Variants in MLLT10 observed in about 807,000 individuals in gnomAD.
MLLT10 encodes the protein protein AF-10.
MLLT10 carries 30 observed loss-of-function variants against 129.1 expected under a neutral mutation model. The observed-to-expected ratio is 0.23, with a 90% CI of 0.17 to 0.32. MLLT10 has a LOEUF of 0.32. Among genes scored for constraint, MLLT10 ranks in the 10% least tolerant of loss-of-function variants. The pLI is 1.00. For missense variants in MLLT10, 1,119 were observed against 1,268.3 expected (o/e 0.88, Z 1.79); for synonymous variants, 490 against 446.4 (o/e 1.10, Z -1.23).
chr10:21,622,153 CTTTTTTTTTTTT>C (rs71393915), intron 8 of MLLT10, among the ~76,000 whole-genome samples: 3 of 99,796 alleles, frequency 3.0e-5, no homozygotes, highest in East Asian at 5.1e-4. Flanking sequence ...TTTGTTTTTC[CTTTTTTTTTTTT>C]TTTTTTTTTT....
chr10:21,600,259 A>G (rs1297673189), intron 5 of MLLT10, among the ~76,000 whole-genome samples: 2 of 152,082 alleles, frequency 1.3e-5, no homozygotes, highest in Non-Finnish European at 2.9e-5. Flanking sequence ...ATTTTTCTAG[A>G]TGAACATTAG....
chr10:21,558,401 G>T (rs1301463467), intron 3 of MLLT10, among the ~76,000 whole-genome samples: 3 of 152,086 alleles, frequency 2.0e-5, no homozygotes, highest in Non-Finnish European at 2.9e-5. Flanking sequence ...AGTGAGCTAT[G>T]ATCATGATCC....
intron 13 of MLLT10, among the ~76,000 whole-genome samples, chr10:21,706,729 C>G (rs1434358948): frequency 6.6e-6 from 1 of 152,182 alleles, no homozygotes; most frequent in Non-Finnish European, 1.5e-5. Context: ...AGGTATACTT[C>G]TGTCTTATTT....
chr10:21,538,743 A>G, intron 2 of MLLT10, 90 bp from the exon 3 acceptor site: 2 of 863,042 alleles, frequency 2.3e-6, no homozygotes, highest in East Asian at 5.0e-5. Flanking sequence ...TTGAATAGTG[A>G]CAGGTGGATT....
At chr10:21,688,561 G>T in intron 13 of MLLT10, 1 of 1,601,328 alleles carries the variant, frequency 6.2e-7, no homozygotes, top group Non-Finnish European at 8.5e-7. Flanking sequence ...CTCCAGCATG[G>T]TTCTAAACAT....
intron 14 of MLLT10, among the ~76,000 whole-genome samples, chr10:21,716,754 T>C (rs1476075854): frequency 1.3e-5 from 2 of 151,720 alleles, no homozygotes; most frequent in Non-Finnish European, 2.9e-5. Context: ...AAAACCATCA[T>C]ACTTGCAAGC....
intron 8 of MLLT10, among the ~76,000 whole-genome samples, chr10:21,644,143 CAT>C (rs1234575391): frequency 1.3e-5 from 2 of 152,058 alleles, no homozygotes; most frequent in African/African-American, 2.4e-5. Flanking sequence ...TGTTTGAACT[CAT>C]GTTATATTTT....
chr10:21,718,476 A>C (rs2131537664), intron 14 of MLLT10, among the ~76,000 whole-genome samples: 1 of 152,184 alleles, frequency 6.6e-6, no homozygotes, highest in South Asian at 2.1e-4. Context: ...TTTGGTTTGA[A>C]GGATGATTTC....
chr10:21,730,926 G>C lies in MLLT10; in HGVS notation c.2090G>C (p.Arg697Pro), dbSNP rs142554860. ...TCCCCTGTAAGCAGCTTACAGATTC[G>C]CTATGATCAACCAGGCAACAGCAGT... is the stretch of plus-strand genomic sequence containing the variant. Reference protein sequence around the residue: ...PRSPVSSLQIRYDQPGNSSLE... With the variant: ...PRSPVSSLQIPYDQPGNSSLE... The change falls in exon 17 of 23, where the codon CGC (arginine) becomes CCC (proline). Residue 697 changes from arginine (R) to proline (P), a missense_variant. This residue lies in a region of MLLT10 where 1,004 missense variants were observed against 1,008.7 expected (regional missense o/e 1.00). Transcript: ENST00000307729. The C allele has an allele frequency of 6.2e-7, 1 of 1,614,058 alleles. No individual in the cohort carries two copies. Among genetic ancestry groups the C allele is most frequent in the Non-Finnish European group, 8.5e-7 (1 of 1,180,006 alleles).
intron 9 of MLLT10, among the ~76,000 whole-genome samples, chr10:21,662,255 C>T (rs1238072905): frequency 2.0e-5 from 3 of 152,158 alleles, no homozygotes; most frequent in East Asian, 1.9e-4. Flanking sequence ...GGTTTGGCTA[C>T]TGCCATTTAT....
intron 2 of MLLT10, among the ~76,000 whole-genome samples, chr10:21,535,367 G>A (rs1029844329): frequency 6.6e-6 from 1 of 152,110 alleles, no homozygotes; most frequent in Admixed American, 6.5e-5. Flanking sequence ...CCCCGAGCCA[G>A]AAGGCTCGGG....
At chr10:21,590,049 T>C (rs2042352107) in intron 4 of MLLT10, among the ~76,000 whole-genome samples, 1 of 152,186 alleles carries the variant, frequency 6.6e-6, no homozygotes, top group African/African-American at 2.4e-5. Context: ...TCCTTCTGCC[T>C]CAGCCTCCTG....
rs536320626 is a variant in MLLT10, at chr10:21,637,066, A to C, written c.700-14607A>C. ...AATAGCTCCTTTTCAAAAAGGATGC[A>C]CTTAATAGCCATGTCATTGGGGCAT... On this transcript the variant is annotated intron_variant, in intron 8 of 22. Transcript: ENST00000307729. Among the ~76,000 whole-genome samples the C allele has an allele frequency of 5.3e-5, 8 of 152,360 alleles. No homozygotes were observed. In the South Asian group the frequency reaches 1.7e-3, roughly 32 times the overall value.
intron 8 of MLLT10, chr10:21,624,866 C>G: frequency 4.4e-6 from 5 of 1,126,286 alleles, no homozygotes; most frequent in East Asian, 2.4e-5. Flanking sequence ...CTCTGCCACC[C>G]CTACAGCCTC....
chr10:21,729,533 T>C (rs2057784586), intron 16 of MLLT10, among the ~76,000 whole-genome samples: 1 of 152,166 alleles, frequency 6.6e-6, no homozygotes, highest in African/African-American at 2.4e-5. Context: ...AAAACCCCAT[T>C]TGTTTAACAT....
chr10:21,536,286 G>T (rs1469271998), intron 2 of MLLT10, among the ~76,000 whole-genome samples: 1 of 152,090 alleles, frequency 6.6e-6, no homozygotes, highest in African/African-American at 2.4e-5. Context: ...GCTTTTTTAG[G>T]GAGTGAATAC....
intron 9 of MLLT10, among the ~76,000 whole-genome samples, chr10:21,652,925 G>A (rs962770131): frequency 2.6e-5 from 4 of 152,148 alleles, no homozygotes; most frequent in African/African-American, 7.2e-5. Flanking sequence ...ATAAGTTAGA[G>A]GCATATGAGA....
intron 8 of MLLT10, among the ~76,000 whole-genome samples, chr10:21,620,833 G>C (rs1464222844): frequency 6.6e-6 from 1 of 151,960 alleles, no homozygotes; most frequent in African/African-American, 2.4e-5. Flanking sequence ...TGGGATTACA[G>C]GCACCTGCCA....
intron 3 of MLLT10, among the ~76,000 whole-genome samples, chr10:21,580,256 A>T (rs1342217124): frequency 6.6e-6 from 1 of 152,004 alleles, no homozygotes; most frequent in Non-Finnish European, 1.5e-5. Flanking sequence ...CAGTGGGCAG[A>T]TTTAATTAGC....
Sources: allele counts gnomAD v4.1 joint callset (sites outside exome capture counted in the v4.1 genomes callset), GRCh38; gene constraint gnomAD v4.1.1; regional missense constraint gnomAD v4.1.1; transcripts MANE v1.5; gene names NCBI Gene and HGNC (gene_info 2026-07-23, HGNC 2026-07-21).